Variants in VWDE observed in about 807,000 individuals in gnomAD.
VWDE encodes von Willebrand factor D and EGF domains.
In VWDE, 207 loss-of-function variants were observed where a neutral mutation model predicts 178.4. That is an observed-to-expected ratio of 1.16 (90% CI 1.04 to 1.30). The LOEUF is 1.30. Ranked by LOEUF, VWDE falls within the 50% of genes most tolerant of loss-of-function variation. VWDE has a pLI of 0.00. For missense variants in VWDE, 2,287 were observed against 1,901.3 expected, an observed-to-expected ratio of 1.20 and a Z score of -3.77; for synonymous variants, 738 against 651.4, an observed-to-expected ratio of 1.13 and a Z score of -2.02.
chr7:12,372,174 GT>G (rs11407375), intron 10 of VWDE, among the ~76,000 whole-genome samples: 5 of 151,780 alleles, frequency 3.3e-5, no homozygotes, highest in African/African-American at 1.2e-4. Context: ...TTGTGAAAAG[GT>G]TTTTTTATAT....
At chr7:12,353,733 T>C (rs111263378) in intron 18 of VWDE, 1 of 152,320 alleles carries the variant, frequency 6.6e-6, no homozygotes. Flanking sequence ...CTATCTCACA[T>C]GTAAACTGTA....
chr7:12,339,383 C>T (rs762511990), intron 24 of VWDE, among the ~76,000 whole-genome samples: 6 of 152,122 alleles, frequency 3.9e-5, no homozygotes, highest in Non-Finnish European at 7.4e-5. Context: ...AACTCTTTAG[C>T]ATGGATTTAA....
chr7:12,361,646 G>A (rs1782587764), intron 13 of VWDE, 125 bp from the exon 14 acceptor site: 1 of 849,504 alleles, frequency 1.2e-6, no homozygotes, highest in Non-Finnish European at 1.7e-6. Flanking sequence ...ATATAACAGG[G>A]AAACAAAAGT....
intron 21 of VWDE, 123 bp downstream of exon 21, chr7:12,344,072 C>G (rs1020588906): frequency 6.2e-6 from 4 of 642,478 alleles, no homozygotes; most frequent in Non-Finnish European, 7.8e-6. Context: ...GAGTCCTATA[C>G]CAGCTTTGAT....
Position 12,359,593 on chromosome 7 carries a change from A to C in VWDE, c.3259T>G (p.Trp1087Gly), listed in dbSNP as rs1409777804. The C allele has an allele frequency of 3.9e-6, 6 of 1,548,372 alleles. No individual in the cohort carries two copies. Among genetic ancestry groups the C allele is most frequent in the African/African-American group, 1.4e-5 (1 of 72,928 alleles). ...AGTAACTTACTTTCTAAAAATGACC[A>C]AGTAAATCTTGAAATTTTGGGTCTA... ...ICRPKISRFT[W>G]SFLENNQPPV... Residue 1087 changes from tryptophan to glycine, a missense_variant, in exon 16 of 29, where the codon TGG (tryptophan) becomes GGG (glycine). Trp to Gly is a radical substitution (Grantham distance 184). Transcript: ENST00000275358.
At position 12,389,151 on chromosome 7, in the gene VWDE, C is replaced by T. The variant is rs1290359245; in HGVS notation, c.451G>A (p.Gly151Arg). 1 of 1,550,926 alleles carries T rather than the reference C, an allele frequency of 6.4e-7. No homozygotes were observed. Among genetic ancestry groups the T allele is most frequent in the South Asian group, 1.2e-5 (1 of 84,030 alleles). Residue 151 changes from glycine (G) to arginine (R), a missense_variant, in exon 3 of 29, where the codon GGA (glycine) becomes AGA (arginine). Coordinates refer to ENST00000275358, the MANE Select transcript of VWDE (RefSeq NM_001135924.3). ...CCTTCCGCACAGTAGCCCATACATC[C>T]CTGAGTTGGTTGTAGTAAGTATACA... ...FSVYLLQPTQ[G>R]CMGYCAEAIS...
At chr7:12,379,107 A>C (rs1013413835) in intron 6 of VWDE, among the ~76,000 whole-genome samples, 2 of 152,198 alleles carry the variant, frequency 1.3e-5, no homozygotes, top group African/African-American at 4.8e-5. Context: ...CTCTGGGTCA[A>C]TTCTACTCTA....
chr7:12,367,507 AT>A lies in VWDE; in HGVS notation c.2762-15del, dbSNP rs750576578. On this transcript the variant is annotated splice_polypyrimidine_tract_variant and intron_variant, in intron 12 of 28. Coordinates refer to ENST00000275358, the MANE Select transcript of VWDE (RefSeq NM_001135924.3). ...CAGGAGCTTTGTCTTTGGAAAAAAA[AT>A]ATAACAAATACTACATATTTTACTT... is the stretch of plus-strand genomic sequence containing the variant. 1 of 1,486,268 alleles carries A rather than the reference AT, an allele frequency of 6.7e-7. No homozygotes were observed. Among genetic ancestry groups the A allele is most frequent in the Non-Finnish European group, 8.9e-7 (1 of 1,119,096 alleles). The allele number at this position is 1,486,268 out of a possible 1,614,324, so 92.1% of individuals were successfully genotyped here.
At chr7:12,389,073 C>A in intron 3 of VWDE, 54 bp downstream of exon 3, 3 of 1,197,456 alleles carry the variant, frequency 2.5e-6, no homozygotes, top group East Asian at 2.5e-5. Context: ...GAGAATGGTA[C>A]GAATGGCAGA....
Position 12,375,247 on chromosome 7 carries a change from G to A in VWDE, c.1025-20C>T. 6.5e-7 allele frequency: 1 copy of A among 1,536,912 alleles called. No individual in the cohort carries two copies. The highest frequency in any genetic ancestry group is 8.8e-7 in the Non-Finnish European group (1 of 1,135,390). ...CTCTACCTATTTAATGAAAAAATAG[G>A]TTTAAAAATTTCCAAGAGAATATAC... is the stretch of plus-strand genomic sequence containing the variant. On this transcript the variant is annotated intron_variant, in intron 7 of 28. Transcript: ENST00000275358.
In VWDE at chr7:12,356,431, T is replaced by C. The variant is rs562910321; in HGVS notation, c.3526-101A>G. ...AGTCATGTATGTTTATGTACAAGTA[T>C]GACCAAATCACTTATATTTGATATA... On this transcript the variant is annotated intron_variant, in intron 17 of 28. Coordinates refer to ENST00000275358, the MANE Select transcript of VWDE (RefSeq NM_001135924.3). 7.3e-6 allele frequency: 6 copies of C among 820,590 alleles called. No homozygotes were observed. In the South Asian group the frequency reaches 1.0e-4, roughly 14 times the overall value. The allele number at this position is 820,590 out of a possible 1,614,324, so 50.8% of individuals were successfully genotyped here. A position where few individuals can be genotyped will look rare whatever the true frequency, so the allele number is the denominator to read the frequency against.
Position 12,370,514 on chromosome 7 carries a change from CA to C in VWDE, c.1797-6del. The C allele has an allele frequency of 6.5e-7, 1 of 1,534,322 alleles. No homozygotes were observed. The highest frequency in any genetic ancestry group is 2.5e-5 in the East Asian group (1 of 40,762). ...ATGCTTTTTCCTGGTAAAATCCTTC[CA>C]GATGGAAAACAGGAAAGAATAGTAA... is the stretch of plus-strand genomic sequence containing the variant. On this transcript the variant is annotated splice_region_variant and splice_polypyrimidine_tract_variant and intron_variant, in intron 11 of 28. Transcript: ENST00000275358.
intron 19 of VWDE, 88 bp from the exon 20 acceptor site, chr7:12,344,557 C>T (rs1781502848): frequency 9.4e-7 from 1 of 1,060,332 alleles, no homozygotes; most frequent in Non-Finnish European, 1.4e-6. Flanking sequence ...AAGCAAAAGT[C>T]TCTGAAGTTT....
At chr7:12,398,360 A>C (rs1196563852) in intron 1 of VWDE, among the ~76,000 whole-genome samples, 1 of 152,154 alleles carries the variant, frequency 6.6e-6, no homozygotes, top group East Asian at 1.9e-4. Flanking sequence ...GATGGTATCA[A>C]GGAACTGAAA....
intron 5 of VWDE, among the ~76,000 whole-genome samples, chr7:12,379,896 C>A (rs1783748511): frequency 6.6e-6 from 1 of 151,914 alleles, no homozygotes; most frequent in Non-Finnish European, 1.5e-5. Context: ...AAATCAAGAC[C>A]ATCTGGCCAA....
At chr7:12,400,137 A>G (rs920153096) in intron 1 of VWDE, among the ~76,000 whole-genome samples, 1 of 152,164 alleles carries the variant, frequency 6.6e-6, no homozygotes. Flanking sequence ...ATGAACATCA[A>G]GTTAACCTTG....
At chr7:12,370,579 A>G in intron 11 of VWDE, 70 bp from the exon 12 acceptor site, 2 of 1,529,176 alleles carry the variant, frequency 1.3e-6, no homozygotes, top group Non-Finnish European at 1.8e-6. Context: ...ATGTGTTGCA[A>G]AAAAGCAGAG....
chr7:12,370,645 T>C lies in VWDE; in HGVS notation c.1796+11A>G, dbSNP rs1375874852. 1.9e-6 allele frequency: 3 copies of C among 1,548,614 alleles called. No individual in the cohort carries two copies. Among genetic ancestry groups the C allele is most frequent in the East Asian group, 2.4e-5 (1 of 40,870 alleles). Reference sequence around the variant, plus strand: ...ATTAATATAATCGCAAGTGGAAAAATAGTGTCTTACCTCCATTCATTAATA... The same window carrying C: ...ATTAATATAATCGCAAGTGGAAAAACAGTGTCTTACCTCCATTCATTAATA... On this transcript the variant is annotated intron_variant, in intron 11 of 28. Transcript: ENST00000275358.
chr7:12,378,111 G>C (rs1562504342), intron 6 of VWDE, among the ~76,000 whole-genome samples, 191 bp from the exon 7 acceptor site: 1 of 152,110 alleles, frequency 6.6e-6, no homozygotes, highest in Admixed American at 6.6e-5. Flanking sequence ...GGAGTACATG[G>C]AGCTGCTGTA....
Sources: allele counts gnomAD v4.1 joint callset (sites outside exome capture counted in the v4.1 genomes callset), GRCh38; gene constraint gnomAD v4.1.1; transcripts MANE v1.5; gene names NCBI Gene and HGNC (gene_info 2026-07-23, HGNC 2026-07-21).